PATJ: variants seen among roughly 807,000 people sequenced by gnomAD.
The protein encoded by PATJ is inaD-like protein.
A neutral mutation model predicts 224.9 loss-of-function variants in PATJ; 190 were observed. The observed-to-expected ratio is 0.84, with a 90% CI of 0.75 to 0.95. The LOEUF (loss-of-function observed/expected upper bound fraction) is 0.95. Ranked by LOEUF, PATJ falls within the 40% of genes least tolerant of loss-of-function variation. The pLI is 0.00. For missense variants in PATJ, 2,121 were observed against 2,270.3 expected, an observed-to-expected ratio of 0.93 and a Z score of 1.34; for synonymous variants, 769 against 820.3, an observed-to-expected ratio of 0.94 and a Z score of 1.07.
intron 24 of PATJ, among the ~76,000 whole-genome samples, chr1:61,902,176 G>A (rs1323964597): frequency 2.0e-5 from 3 of 151,484 alleles, no homozygotes; most frequent in Admixed American, 6.6e-5. Flanking sequence ...AGCCAAGATC[G>A]GACTTCCCTC....
intron 26 of PATJ, among the ~76,000 whole-genome samples, chr1:61,919,344 A>T (rs1673939019): frequency 6.7e-6 from 1 of 149,138 alleles, no homozygotes; most frequent in African/African-American, 2.5e-5. Context: ...CACAGCCCTT[A>T]CTCTGTTGCC....
intron 28 of PATJ, among the ~76,000 whole-genome samples, chr1:62,015,227 C>CT (rs2148360735): frequency 6.6e-6 from 1 of 151,890 alleles, no homozygotes; most frequent in Non-Finnish European, 1.5e-5. Flanking sequence ...TTGCTTGAAC[C>CT]TTGGAGGCGG....
intron 28 of PATJ, among the ~76,000 whole-genome samples, chr1:62,005,618 C>A (rs778370865): frequency 6.6e-6 from 1 of 152,098 alleles, no homozygotes; most frequent in East Asian, 1.9e-4. Flanking sequence ...ATTAGCCAGG[C>A]GTGGTGGCAC....
intron 33 of PATJ, among the ~76,000 whole-genome samples, chr1:62,101,084 CTT>C: frequency 6.6e-6 from 1 of 152,020 alleles, no homozygotes; most frequent in African/African-American, 2.4e-5. Context: ...ACACAAAAAA[CTT>C]AATACTGCTT....
At chr1:61,997,622 G>T (rs1645441527) in intron 28 of PATJ, among the ~76,000 whole-genome samples, 1 of 152,052 alleles carries the variant, frequency 6.6e-6, no homozygotes, top group African/African-American at 2.4e-5. Context: ...GATTAATAAT[G>T]ATTCTAGAAG....
intron 1 of PATJ, among the ~76,000 whole-genome samples, chr1:61,762,259 AATGTAATC>A: frequency 6.6e-6 from 1 of 152,284 alleles, no homozygotes. Context: ...ACTTCATATG[AATGTAATC>A]ATACAGTATG....
chr1:61,775,025 A>G (rs1005485212), intron 6 of PATJ, among the ~76,000 whole-genome samples, 181 bp from the exon 7 acceptor site: 1 of 152,220 alleles, frequency 6.6e-6, no homozygotes, highest in African/African-American at 2.4e-5. Context: ...TAAGATCCCT[A>G]CGGTCAGGGA....
In PATJ at chr1:61,763,037, T is replaced by C. The variant is rs1215372849; in HGVS notation, c.47T>C (p.Leu16Pro). The change falls in exon 3 of 44, where the codon CTT (leucine) becomes CCT (proline). Residue 16 changes from leucine (L) to proline (P), a missense_variant. Transcript: ENST00000642238. ...ATDKLQVLQV[L>P]DRLKMKLQEK... is the part of the protein sequence containing the mutation. ...GATAAACTGCAGGTGCTGCAGGTAC[T>C]TGATCGCCTGAAAATGAAATTGCAG... is the stretch of plus-strand genomic sequence containing the variant. The C allele has an allele frequency of 6.2e-7, 1 of 1,611,132 alleles. No individual in the cohort carries two copies. Among genetic ancestry groups the C allele is most frequent in the South Asian group, 1.1e-5 (1 of 90,594 alleles).
At chr1:62,015,320 A>G (rs1271722884) in intron 28 of PATJ, among the ~76,000 whole-genome samples, 1 of 152,100 alleles carries the variant, frequency 6.6e-6, no homozygotes, top group African/African-American at 2.4e-5. Flanking sequence ...AAAAAGAAAG[A>G]AACGTAATAG....
intron 22 of PATJ, among the ~76,000 whole-genome samples, chr1:61,884,809 A>G (rs537014376): frequency 1.3e-5 from 2 of 152,330 alleles, no homozygotes; most frequent in East Asian, 3.9e-4. Flanking sequence ...TTTTTGGACT[A>G]GGAAACTAGA....
chr1:61,820,813 A>C (rs999493238), intron 14 of PATJ, among the ~76,000 whole-genome samples: 1 of 152,192 alleles, frequency 6.6e-6, no homozygotes, highest in Non-Finnish European at 1.5e-5. Context: ...GCCCTGTAGC[A>C]TCTGGCTCAT....
chr1:61,827,230 A>G (rs2275356), intron 15 of PATJ, among the ~76,000 whole-genome samples, 192 bp from the exon 16 acceptor site: 1 of 152,204 alleles, frequency 6.6e-6, no homozygotes, highest in Non-Finnish European at 1.5e-5. Flanking sequence ...GATTTTAAAA[A>G]TTTTAAGGAT....
At chr1:61,759,748 A>G (rs765042381) in intron 1 of PATJ, among the ~76,000 whole-genome samples, 3 of 152,178 alleles carry the variant, frequency 2.0e-5, no homozygotes, top group Non-Finnish European at 4.4e-5. Context: ...GAGTTTTGCT[A>G]TTAAAAATGT....
intron 27 of PATJ, among the ~76,000 whole-genome samples, chr1:61,964,250 CT>C (rs961575097): frequency 1.3e-5 from 2 of 151,468 alleles, no homozygotes; most frequent in African/African-American, 4.9e-5. Context: ...CCCAGTTAAT[CT>C]TTGTATTTTT....
chr1:62,081,876 T>C (rs1424707503), intron 32 of PATJ, among the ~76,000 whole-genome samples: 2 of 152,196 alleles, frequency 1.3e-5, no homozygotes, highest in African/African-American at 2.4e-5. Context: ...CTAAAAGCAA[T>C]AGAAACTTTT....
intron 21 of PATJ, among the ~76,000 whole-genome samples, chr1:61,881,075 C>A (rs1461811462): frequency 6.6e-6 from 1 of 152,168 alleles, no homozygotes; most frequent in African/African-American, 2.4e-5. Flanking sequence ...GCCTGGGTGA[C>A]CAAGCGAGAC....
At chr1:61,764,136 G>A (rs185601126) in intron 3 of PATJ, among the ~76,000 whole-genome samples, 2 of 152,222 alleles carry the variant, frequency 1.3e-5, no homozygotes, top group East Asian at 1.9e-4. Context: ...GGGATTATAG[G>A]CGTGAGCCAC....
chr1:61,768,796 A>C (rs1646439272), intron 4 of PATJ, among the ~76,000 whole-genome samples: 1 of 151,954 alleles, frequency 6.6e-6, no homozygotes, highest in Non-Finnish European at 1.5e-5. Flanking sequence ...GCTACCCAGG[A>C]GGCTGAGGCA....
chr1:61,759,762 A>G (rs1437561983), intron 1 of PATJ, among the ~76,000 whole-genome samples: 1 of 152,198 alleles, frequency 6.6e-6, no homozygotes, highest in Non-Finnish European at 1.5e-5. Flanking sequence ...AAAATGTGGT[A>G]AATACCCTTG....
Sources: gnomAD v4.1 joint callset for allele counts (sites outside exome capture counted in the v4.1 genomes callset) on GRCh38, gnomAD v4.1.1 for gene constraint, MANE v1.5 for transcripts, NCBI Gene and HGNC (gene_info 2026-07-23, HGNC 2026-07-21) for gene names.